Variants in AKAP12 observed in about 807,000 individuals in gnomAD.
AKAP12 encodes the protein A-kinase anchor protein 12.
AKAP12 carries 32 observed loss-of-function variants against 79.9 expected under a neutral mutation model. The ratio of observed to expected loss-of-function variants is 0.40; its 90% confidence interval spans 0.30 to 0.54. The LOEUF (loss-of-function observed/expected upper bound fraction) is 0.54, where lower values mean the gene tolerates loss of function less well. Among genes scored for constraint, AKAP12 ranks in the 20% least tolerant of loss-of-function variants. The pLI is 0.48. For missense variants in AKAP12, 2,074 were observed against 2,177.0 expected (o/e 0.95, Z 0.94); for synonymous variants, 808 against 857.0 (o/e 0.94, Z 1.00).
intron 2 of AKAP12, among the ~76,000 whole-genome samples, chr6:151,291,705 C>G (rs955455874): frequency 6.6e-6 from 1 of 152,234 alleles, no homozygotes; most frequent in African/African-American, 2.4e-5. Flanking sequence ...TAAATGGATT[C>G]TCCACAATGG....
At chr6:151,341,718 G>A in intron 3 of AKAP12, 1 of 1,266,450 alleles carries the variant, frequency 7.9e-7, no homozygotes, top group Non-Finnish European at 1.0e-6. Flanking sequence ...GCGGCAGTTC[G>A]CCCCGCAGCG....
intron 3 of AKAP12, chr6:151,324,958 G>A (rs1777486875): frequency 3.0e-6 from 3 of 985,408 alleles, no homozygotes; most frequent in Admixed American, 1.2e-4. Context: ...TCTAAAAATT[G>A]GAACATGGCA....
chr6:151,261,570 G>A (rs1458046024), intron 2 of AKAP12, among the ~76,000 whole-genome samples: 1 of 150,854 alleles, frequency 6.6e-6, no homozygotes, highest in Non-Finnish European at 1.5e-5. Context: ...GCATTATGGC[G>A]GGTGCCTGTA....
At chr6:151,291,086 G>A (rs570226455) in intron 2 of AKAP12, among the ~76,000 whole-genome samples, 1 of 152,266 alleles carries the variant, frequency 6.6e-6, no homozygotes, top group East Asian at 1.9e-4. Context: ...TCCAGTTGCT[G>A]CAGATCACCT....
intron 3 of AKAP12, among the ~76,000 whole-genome samples, chr6:151,338,483 T>A (rs1777871159): frequency 1.3e-5 from 2 of 149,270 alleles, no homozygotes; most frequent in South Asian, 4.2e-4. Flanking sequence ...CGAGATGGAG[T>A]CTTGCTCTGT....
intron 2 of AKAP12, among the ~76,000 whole-genome samples, chr6:151,287,540 C>T (rs1776530168): frequency 6.6e-6 from 1 of 152,152 alleles, no homozygotes; most frequent in Admixed American, 6.6e-5. Flanking sequence ...GGATTACAGG[C>T]GTGAGCCATC....
chr6:151,294,074 A>G (rs1184562121), intron 2 of AKAP12, among the ~76,000 whole-genome samples: 1 of 152,018 alleles, frequency 6.6e-6, no homozygotes, highest in Non-Finnish European at 1.5e-5. Context: ...CCCAGGTTCA[A>G]GCAATTCTCC....
At chr6:151,254,705 C>CG (rs1454840546) in intron 2 of AKAP12, among the ~76,000 whole-genome samples, 1 of 152,076 alleles carries the variant, frequency 6.6e-6, no homozygotes. Context: ...AGACAACGAT[C>CG]GGTTATTCGT....
chr6:151,302,261 C>T (rs141968208), intron 2 of AKAP12, among the ~76,000 whole-genome samples: 120 of 152,202 alleles, frequency 7.9e-4, no homozygotes, highest in African/African-American at 2.7e-3. Flanking sequence ...CTGCCTGCCT[C>T]GGCCTCCCAA....
At chr6:151,252,537 A>AG (rs1297737266) in intron 2 of AKAP12, among the ~76,000 whole-genome samples, 1 of 151,986 alleles carries the variant, frequency 6.6e-6, no homozygotes, top group Non-Finnish European at 1.5e-5. Context: ...TCAACACTGA[A>AG]GGCCCCGATA....
chr6:151,277,658 T>C (rs188308276), intron 2 of AKAP12, among the ~76,000 whole-genome samples: 11 of 152,380 alleles, frequency 7.2e-5, no homozygotes, highest in Admixed American at 7.2e-4. Flanking sequence ...TTTTGTATTT[T>C]CTTTGGTAAT....
chr6:151,351,150 A>C lies in AKAP12; in HGVS notation c.2759A>C (p.Glu920Ala). Residue 920 changes from glutamate (E) to alanine (A), a missense_variant, in exon 4 of 5, where the codon GAA (glutamate) becomes GCA (alanine). Glu to Ala is a moderately radical substitution (Grantham distance 107). This residue lies in a region of AKAP12 where 1,428 missense variants were observed against 1,451.0 expected (regional missense o/e 0.98). Transcript: ENST00000402676. This position sits in a 1 kb window ranked among gnomAD's most constrained non-coding sequence, Gnocchi z 4.4. ...TCTTGGATATCTGCTTCAGTGACAG[A>C]ACCTCTTGAACAAGTAGAAGCTGAA... The part of the protein sequence containing the change: ...SPSWISASVT[E>A]PLEQVEAEAA... The C allele has an allele frequency of 6.2e-7, 1 of 1,614,148 alleles. No individual in the cohort carries two copies. The highest frequency in any genetic ancestry group is 8.5e-7 in the Non-Finnish European group (1 of 1,180,030).
At chr6:151,341,120 C>T (rs1422885294) in intron 3 of AKAP12, among the ~76,000 whole-genome samples, 2 of 150,700 alleles carry the variant, frequency 1.3e-5, no homozygotes, top group African/African-American at 4.9e-5. Flanking sequence ...GGCACGATCT[C>T]GGCTCACTGC....
intron 3 of AKAP12, among the ~76,000 whole-genome samples, chr6:151,309,092 C>G (rs1160098421): frequency 1.3e-5 from 2 of 152,154 alleles, no homozygotes. Flanking sequence ...CCAGGCTGGT[C>G]TCGAACTCCT....
At position 151,351,513 on chromosome 6, in the gene AKAP12, A is replaced by G. The variant is rs764757731; in HGVS notation, c.3122A>G (p.Glu1041Gly). The G allele has an allele frequency of 6.2e-7, 1 of 1,614,174 alleles. No homozygotes were observed. Among genetic ancestry groups the G allele is most frequent in the Non-Finnish European group, 8.5e-7 (1 of 1,180,030 alleles). ...GAAGAGCAAGAGAGGCGGACTCAAG[A>G]GGTCCTCCAGGCAGTGGCAGAAAAA... is the stretch of plus-strand genomic sequence containing the variant. ...DIEEQERRTQ[E>G]VLQAVAEKVK... Residue 1041 changes from glutamate to glycine, a missense_variant, in exon 4 of 5, where the codon GAG becomes GGG. Coordinates refer to ENST00000402676, the MANE Select transcript of AKAP12 (RefSeq NM_005100.4). The surrounding 1 kb of genome is among the most constrained non-coding windows in gnomAD (Gnocchi z 4.4).
rs890688485 is a variant in AKAP12, at chr6:151,352,078, C to G, written c.3687C>G (p.Phe1229Leu). The change falls in exon 4 of 5, where the codon TTC (phenylalanine) becomes TTG (leucine). Residue 1229 changes from phenylalanine (F) to leucine (L), a missense_variant. Transcript: ENST00000402676. Reference sequence around the variant, plus strand: ...CTCCAGCACCTTCCAGTTTTGTGTTCCAGGAAGAAACTAAAGAACAATCAA... The same window carrying G: ...CTCCAGCACCTTCCAGTTTTGTGTTGCAGGAAGAAACTAAAGAACAATCAA... ...ERPPAPSSFVFQEETKEQSKM... is the reference protein window; with the variant it reads ...ERPPAPSSFVLQEETKEQSKM... 1 of 1,613,904 alleles carries G rather than the reference C, an allele frequency of 6.2e-7. No homozygotes were observed. The highest frequency in any genetic ancestry group is 2.2e-5 in the East Asian group (1 of 44,860).
At chr6:151,293,500 G>A (rs2114739421) in intron 2 of AKAP12, among the ~76,000 whole-genome samples, 1 of 152,298 alleles carries the variant, frequency 6.6e-6, no homozygotes, top group East Asian at 1.9e-4. Context: ...AATTTGCCCA[G>A]GACAGCTGGT....
At chr6:151,305,169 GT>G (rs869087478) in intron 2 of AKAP12, among the ~76,000 whole-genome samples, 20,629 of 136,834 alleles carry the variant, frequency 0.15, 2,832 homozygotes, top group African/African-American at 0.37. Flanking sequence ...AGTCAGGGCT[GT>G]TTTTTTTTTT....
At chr6:151,341,829 T>C in intron 3 of AKAP12, 2 of 1,279,654 alleles carry the variant, frequency 1.6e-6, no homozygotes, top group Non-Finnish European at 2.0e-6. Context: ...CGTCCCAGGC[T>C]TGGGAAAGCC....
Sources: gnomAD v4.1 joint callset for allele counts (sites outside exome capture counted in the v4.1 genomes callset) on GRCh38, gnomAD v4.1.1 for gene constraint, gnomAD v4.1.1 regional missense constraint, Gnocchi (gnomAD v3.1) non-coding constraint, MANE v1.5 for transcripts, NCBI Gene and HGNC (gene_info 2026-07-23, HGNC 2026-07-21) for gene names.